KIF18A: variants seen among roughly 807,000 people sequenced by gnomAD.
The protein encoded by KIF18A is kinesin-like protein KIF18A.
KIF18A carries 67 observed loss-of-function variants against 103.3 expected under a neutral mutation model. The observed-to-expected ratio is 0.65, with a 90% CI of 0.53 to 0.79. KIF18A has a LOEUF of 0.79. Ranked by LOEUF, KIF18A falls within the 30% of genes least tolerant of loss-of-function variation. The pLI, the probability that KIF18A is intolerant of heterozygous loss-of-function variation, is 0.00. For missense variants in KIF18A, 1,032 were observed against 1,062.5 expected, an observed-to-expected ratio of 0.97 and a Z score of 0.40; for synonymous variants, 367 against 355.5, an observed-to-expected ratio of 1.03 and a Z score of -0.36.
intron 1 of KIF18A, among the ~76,000 whole-genome samples, chr11:28,102,919 G>C (rs541739863): frequency 1.1e-4 from 17 of 152,156 alleles, no homozygotes; most frequent in Admixed American, 9.8e-4. Flanking sequence ...AAGGCACAGA[G>C]AGAGTAAATT....
At chr11:28,069,862 T>C (rs1356716789) in intron 10 of KIF18A, among the ~76,000 whole-genome samples, 1 of 152,154 alleles carries the variant, frequency 6.6e-6, no homozygotes, top group Non-Finnish European at 1.5e-5. Context: ...TGTGTTTGCC[T>C]ATAAGGCCTC....
intron 9 of KIF18A, 132 bp downstream of exon 9, chr11:28,082,724 G>T: frequency 1.8e-6 from 1 of 561,788 alleles, no homozygotes; most frequent in Non-Finnish European, 3.1e-6. Flanking sequence ...ATGTATGTGT[G>T]TATATATAAA....
rs556231768 is a variant in KIF18A at position 28,076,308 on chromosome 11, C to A, written c.1425+699G>T. ...CAGTGATAAAATTCTTCTCTGACAA[C>A]AAAAATCTCCTGTTGGTCTAAGTTG... is the stretch of plus-strand genomic sequence containing the variant. On this transcript the variant is annotated intron_variant, in intron 10 of 16. Transcript: ENST00000263181. Among the ~76,000 whole-genome samples, 5 of 152,254 alleles carry A rather than the reference C, an allele frequency of 3.3e-5. No homozygotes were observed. The East Asian group carries it at 7.7e-4, about 24-fold the overall frequency.
In KIF18A at chr11:28,036,486, G is replaced by C. The variant is rs757278931; in HGVS notation, c.2127C>G (p.Asp709Glu). 2 of 1,611,252 alleles carry C rather than the reference G, an allele frequency of 1.2e-6. No individual in the cohort carries two copies. The highest frequency in any genetic ancestry group is 1.7e-6 in the Non-Finnish European group (2 of 1,178,224). ...ELQPIVYTPEDCRKAFQNPST... is the reference protein window; with the variant it reads ...ELQPIVYTPEECRKAFQNPST... ...ACGGATTTTGAAAAGCTTTTCTACA[G>C]TCTTCTGGTGTATATACAATAGGCT... Residue 709 changes from aspartate (D) to glutamate (E), a missense_variant, in exon 14 of 17, where the codon GAC becomes GAG. Coordinates refer to ENST00000263181, the MANE Select transcript of KIF18A (RefSeq NM_031217.4).
intron 13 of KIF18A, among the ~76,000 whole-genome samples, chr11:28,037,530 A>G (rs961520773): frequency 2.6e-5 from 4 of 151,546 alleles, no homozygotes; most frequent in African/African-American, 9.7e-5. Flanking sequence ...GGACTTGAGT[A>G]TCCATGGATT....
chr11:28,056,403 C>G (rs557199838), intron 13 of KIF18A, among the ~76,000 whole-genome samples: 1 of 151,448 alleles, frequency 6.6e-6, no homozygotes, highest in Non-Finnish European at 1.5e-5. Flanking sequence ...ATGTGAGAAA[C>G]AAAATTATCC....
At chr11:28,048,690 A>G (rs1379132470) in intron 13 of KIF18A, among the ~76,000 whole-genome samples, 1 of 152,152 alleles carries the variant, frequency 6.6e-6, no homozygotes, top group Non-Finnish European at 1.5e-5. Flanking sequence ...CAAGGTTAAA[A>G]CACTAGTGAA....
At chr11:28,095,460 T>G (rs963588397) in intron 2 of KIF18A, among the ~76,000 whole-genome samples, 1 of 152,196 alleles carries the variant, frequency 6.6e-6, no homozygotes, top group Admixed American at 6.5e-5. Context: ...CAGCCCTTAG[T>G]ATATGCTGCA....
At chr11:28,070,166 C>T (rs1275045986) in intron 10 of KIF18A, among the ~76,000 whole-genome samples, 2 of 151,704 alleles carry the variant, frequency 1.3e-5, no homozygotes, top group Admixed American at 1.3e-4. Flanking sequence ...AGTGGATCCC[C>T]AAAGGTTAAA....
At chr11:28,100,320 A>G (rs985209941) in intron 1 of KIF18A, among the ~76,000 whole-genome samples, 6 of 152,258 alleles carry the variant, frequency 3.9e-5, no homozygotes, top group Admixed American at 3.3e-4. Context: ...TTAATGCAGT[A>G]TTAAGCTTTA....
chr11:28,107,700 C>T (rs1045143844), intron 1 of KIF18A, among the ~76,000 whole-genome samples: 1 of 152,182 alleles, frequency 6.6e-6, no homozygotes, highest in African/African-American at 2.4e-5. Context: ...TGAAACAAAA[C>T]ACTCCCAATT....
At chr11:28,060,325 G>C (rs1426127359) in intron 12 of KIF18A, among the ~76,000 whole-genome samples, 1 of 152,162 alleles carries the variant, frequency 6.6e-6, no homozygotes, top group African/African-American at 2.4e-5. Context: ...AGAACCATTA[G>C]AAGTATGGAT....
Position 28,069,197 on chromosome 11 carries a change from A to C in KIF18A, c.1590+62T>G. 3 of 1,283,054 alleles carry C rather than the reference A, an allele frequency of 2.3e-6. No individual in the cohort carries two copies. In the South Asian group the frequency reaches 3.7e-5, roughly 16 times the overall value. The allele number at this position is 1,283,054 out of a possible 1,614,324, so 79.5% of individuals were successfully genotyped here. On this transcript the variant is annotated intron_variant, in intron 11 of 16. Coordinates refer to ENST00000263181, the MANE Select transcript of KIF18A (RefSeq NM_031217.4). ...GAAAGACATTTACTCAATAAGAAAA[A>C]GAACACATTTTAGGAGCTCAGTTCC...
chr11:28,052,382 T>G (rs561019025), intron 13 of KIF18A, among the ~76,000 whole-genome samples: 8 of 152,246 alleles, frequency 5.3e-5, no homozygotes, highest in Non-Finnish European at 1.2e-4. Context: ...CTCTCTGATC[T>G]CCTCACTACT....
chr11:28,030,215 A>G (rs915000251), intron 15 of KIF18A, among the ~76,000 whole-genome samples: 22 of 148,976 alleles, frequency 1.5e-4, no homozygotes, highest in African/African-American at 4.0e-4. Context: ...AACAGCCCGC[A>G]TTGCCAAGAC....
At chr11:28,099,848 T>C (rs1387149501) in intron 1 of KIF18A, among the ~76,000 whole-genome samples, 1 of 152,070 alleles carries the variant, frequency 6.6e-6, no homozygotes, top group Non-Finnish European at 1.5e-5. Context: ...AAAGAACAAC[T>C]GGAAGTCGTT....
chr11:28,046,689 A>C (rs1850639106), intron 13 of KIF18A, among the ~76,000 whole-genome samples: 1 of 149,170 alleles, frequency 6.7e-6, no homozygotes, highest in Non-Finnish European at 1.5e-5. Flanking sequence ...TAAAACTTAA[A>C]GTATAATAAT....
rs971641670 is a variant in KIF18A, at chr11:28,098,134, T to C, written c.-46-141A>G. The C allele has an allele frequency of 5.7e-6, 3 of 529,310 alleles. No homozygotes were observed. The Admixed American group carries it at 1.1e-4, about 20-fold the overall frequency. 32.8% of individuals were successfully genotyped at this position (529,310 alleles called of 1,614,324 possible). ...AAACACTGGGGGAAAAATACATACA[T>C]ACGTAGGCACACACAACACACACAC... On this transcript the variant is annotated intron_variant, in intron 1 of 16. Coordinates refer to ENST00000263181, the MANE Select transcript of KIF18A (RefSeq NM_031217.4).
intron 15 of KIF18A, among the ~76,000 whole-genome samples, chr11:28,025,440 T>G (rs1433739824): frequency 6.6e-6 from 1 of 152,012 alleles, no homozygotes; most frequent in African/African-American, 2.4e-5. Context: ...TTTCTTAAAT[T>G]TATCCCAAAG....
Sources: gnomAD v4.1 joint callset for allele counts (sites outside exome capture counted in the v4.1 genomes callset) on GRCh38, gnomAD v4.1.1 for gene constraint, MANE v1.5 for transcripts, NCBI Gene and HGNC (gene_info 2026-07-23, HGNC 2026-07-21) for gene names.